CGNL1: variants seen among roughly 807,000 people sequenced by gnomAD.
CGNL1 encodes the protein cingulin like 1.
CGNL1 carries 132 observed loss-of-function variants against 141.2 expected under a neutral mutation model. That is an observed-to-expected ratio of 0.93 (90% CI 0.81 to 1.08). The LOEUF (loss-of-function observed/expected upper bound fraction) is 1.08. Ranked by LOEUF, CGNL1 falls within the 50% of genes least tolerant of loss-of-function variation. CGNL1 has a pLI of 0.00. For synonymous variants in CGNL1, 690 were observed against 622.1 expected (o/e 1.11, Z -1.63); for missense variants, 1,870 against 1,588.6 (o/e 1.18, Z -3.01).
chr15:57,499,067 G>C (rs2063984149), intron 8 of CGNL1, among the ~76,000 whole-genome samples: 1 of 152,036 alleles, frequency 6.6e-6, no homozygotes. Context: ...CCAGTGTGTG[G>C]GGATGGATTG....
intron 4 of CGNL1, among the ~76,000 whole-genome samples, chr15:57,450,066 A>G (rs1166659191): frequency 6.6e-6 from 1 of 152,238 alleles, no homozygotes; most frequent in Non-Finnish European, 1.5e-5. Flanking sequence ...TAATTTGGGT[A>G]AACACCCAGA....
At chr15:57,445,934 T>C (rs2063245532) in intron 4 of CGNL1, among the ~76,000 whole-genome samples, 1 of 152,168 alleles carries the variant, frequency 6.6e-6, no homozygotes, top group East Asian at 1.9e-4. Flanking sequence ...TGTAATAGAC[T>C]CTCTTCAATC....
At position 57,538,716 on chromosome 15, in the gene CGNL1, G is replaced by A. The variant is rs75720866; in HGVS notation, c.3292-4980G>A. 5.0e-3 allele frequency among the ~76,000 whole-genome samples: 768 copies of A among 152,270 alleles called. 5 individuals carry two copies. Among genetic ancestry groups the A allele is most frequent in the Middle Eastern group, 0.02 (6 of 294 alleles). ...ACCCCCAGGCTGGGCCCAGGGCTGC[G>A]TGACCACTTGGCCATCCTGGAATCC... is the stretch of plus-strand genomic sequence containing the variant. On this transcript the variant is annotated intron_variant, in intron 14 of 18. Coordinates refer to ENST00000281282, the MANE Select transcript of CGNL1 (RefSeq NM_032866.5).
In CGNL1 at chr15:57,383,292, C is replaced by CTTT. The variant is rs59213732; in HGVS notation, c.-16+6736_-16+6738dup. Among the ~76,000 whole-genome samples, 510 of 109,202 alleles carry CTTT rather than the reference C, an allele frequency of 4.7e-3. 4 individuals are homozygous for CTTT. The highest frequency in any genetic ancestry group is 0.011 in the African/African-American group (311 of 27,362). The allele number at this position is 109,202 out of a possible 152,430, so 71.6% of individuals were successfully genotyped here. A position where few individuals can be genotyped will look rare whatever the true frequency, so the allele number is the denominator to read the frequency against. ...TAACAAACTTAAGATTTCTTTCTTC[C>CTTT]TTTTTTTTTTTTTGTTTTTTTGATA... On this transcript the variant is annotated intron_variant, in intron 1 of 18. Coordinates refer to ENST00000281282, the MANE Select transcript of CGNL1 (RefSeq NM_032866.5).
At chr15:57,404,232 C>T (rs1417261937) in intron 1 of CGNL1, among the ~76,000 whole-genome samples, 9 of 152,212 alleles carry the variant, frequency 5.9e-5, no homozygotes, top group Non-Finnish European at 1.3e-4. Flanking sequence ...GAGCTTAGAA[C>T]GGCCCAGCTT....
chr15:57,475,014 C>T (rs1305287027), intron 8 of CGNL1, among the ~76,000 whole-genome samples: 2 of 152,234 alleles, frequency 1.3e-5, no homozygotes, highest in East Asian at 3.8e-4. Context: ...GTCTGCTACC[C>T]AGGTCTGTGG....
intron 4 of CGNL1, among the ~76,000 whole-genome samples, chr15:57,445,325 A>T (rs1353646413): frequency 6.6e-6 from 1 of 152,134 alleles, no homozygotes; most frequent in Admixed American, 6.5e-5. Flanking sequence ...AGACTTTTAG[A>T]CTTCAGGTTC....
intron 2 of CGNL1, 30 bp from the exon 3 acceptor site, chr15:57,440,347 C>A: frequency 6.5e-7 from 1 of 1,537,592 alleles, no homozygotes; most frequent in Non-Finnish European, 8.9e-7. Flanking sequence ...ACTTCATCCT[C>A]ATGGTCTAAC....
At chr15:57,536,066 G>A (rs2032241732) in intron 14 of CGNL1, among the ~76,000 whole-genome samples, 1 of 152,190 alleles carries the variant, frequency 6.6e-6, no homozygotes, top group African/African-American at 2.4e-5. Context: ...CAGCATGGCT[G>A]GGGAGGCCTC....
chr15:57,516,822 G>A lies in CGNL1; in HGVS notation c.2446G>A (p.Asp816Asn). ...GAGCAGGAGCAACACTTCAGAGCAA[G>A]ACCAGGCGGGGACTGAAATGCGCGT... The part of the protein sequence containing the change: ...LASRSNTSEQ[D>N]QAGTEMRVKL... Residue 816 changes from aspartate to asparagine, a missense_variant, in exon 9 of 19, where the codon GAC becomes AAC. Transcript: ENST00000281282. 1 of 1,614,192 alleles carries A rather than the reference G, an allele frequency of 6.2e-7. No homozygotes were observed. Among genetic ancestry groups the A allele is most frequent in the South Asian group, 1.1e-5 (1 of 91,066 alleles).
intron 8 of CGNL1, among the ~76,000 whole-genome samples, chr15:57,471,675 G>A (rs898066038): frequency 6.6e-6 from 1 of 152,206 alleles, no homozygotes; most frequent in Non-Finnish European, 1.5e-5. Context: ...GAGGGCCCTT[G>A]CCTGTTTCCC....
chr15:57,499,381 G>A (rs550745754), intron 8 of CGNL1, among the ~76,000 whole-genome samples: 86 of 151,284 alleles, frequency 5.7e-4, no homozygotes, highest in African/African-American at 2.0e-3. Flanking sequence ...GGGATTACAT[G>A]CTTGTGCCAC....
chr15:57,399,597 A>G (rs1247131992), intron 1 of CGNL1, among the ~76,000 whole-genome samples: 1 of 152,082 alleles, frequency 6.6e-6, no homozygotes, highest in East Asian at 1.9e-4. Context: ...AGGAAAAATA[A>G]TACAAGAAAG....
chr15:57,453,794 C>G lies in CGNL1; in HGVS notation c.2166C>G (p.Asp722Glu), dbSNP rs2063348243. 2.5e-6 allele frequency: 4 copies of G among 1,613,712 alleles called. No individual in the cohort carries two copies. Among genetic ancestry groups the G allele is most frequent in the Non-Finnish European group, 3.4e-6 (4 of 1,179,912 alleles). Residue 722 changes from aspartate to glutamate, a missense_variant, in exon 7 of 19, where the codon GAC (aspartate) becomes GAG (glutamate). Asp to Glu is a conservative substitution (Grantham distance 45, BLOSUM62 2). Transcript: ENST00000281282. ...TGGACAGTGCAAAGCGATCGGAGGA[C>G]AGGGAGAAGGGAGCTCTGATTGAGG... ...DELDSAKRSE[D>E]REKGALIEEL... is the part of the protein sequence containing the mutation.
chr15:57,418,497 A>G (rs1489989175), intron 1 of CGNL1, among the ~76,000 whole-genome samples: 2 of 152,126 alleles, frequency 1.3e-5, no homozygotes, highest in Non-Finnish European at 2.9e-5. Context: ...TTGGTCTACC[A>G]TGGTTGCCCA....
In CGNL1 at chr15:57,479,240, G is replaced by A. The variant is rs115056182; in HGVS notation, c.2403+17348G>A. Among the ~76,000 whole-genome samples, 495 of 152,320 alleles carry A rather than the reference G, an allele frequency of 3.2e-3. 1 individual carries two copies. Among genetic ancestry groups the A allele is most frequent in the African/African-American group, 0.012 (481 of 41,584 alleles). ...GGAGAAGGCAGTTGGACCAAGGTGA[G>A]GGTGTGGAGGATGGGAGTGAAAAAC... On this transcript the variant is annotated intron_variant, in intron 8 of 18. Coordinates refer to ENST00000281282, the MANE Select transcript of CGNL1 (RefSeq NM_032866.5).
intron 8 of CGNL1, among the ~76,000 whole-genome samples, chr15:57,469,546 G>C (rs7183146): frequency 6.6e-6 from 1 of 151,746 alleles, no homozygotes; most frequent in Non-Finnish European, 1.5e-5. Context: ...AGTCTATTGG[G>C]GGAGTTTCTA....
At position 57,434,182 on chromosome 15, in the gene CGNL1, A is replaced by T. The variant is rs1359465555; in HGVS notation, c.-15-3803A>T. On this transcript the variant is annotated intron_variant, in intron 1 of 18. Coordinates refer to ENST00000281282, the MANE Select transcript of CGNL1 (RefSeq NM_032866.5). The stretch of plus-strand genomic sequence containing the variant: ...AGTTACAGTTTTCCTTGCAGAGAGA[A>T]GTTATTTCATATCCAAAATAATAAT... Among the ~76,000 whole-genome samples the T allele has an allele frequency of 2.0e-5, 3 of 152,354 alleles. No individual in the cohort carries two copies. The East Asian group carries it at 5.8e-4, about 29-fold the overall frequency.
chr15:57,528,162 C>A (rs2031730431), intron 12 of CGNL1, among the ~76,000 whole-genome samples: 1 of 151,790 alleles, frequency 6.6e-6, no homozygotes, highest in Admixed American at 6.6e-5. Flanking sequence ...GAGGCTGAGG[C>A]AGGAGAATTG....
Sources: allele counts gnomAD v4.1 joint callset (sites outside exome capture counted in the v4.1 genomes callset), GRCh38; gene constraint gnomAD v4.1.1; transcripts MANE v1.5; gene names NCBI Gene and HGNC (gene_info 2026-07-23, HGNC 2026-07-21).